Variants in RASSF3 observed in about 807,000 individuals in gnomAD.
RASSF3 encodes the protein Ras association domain family member 3.
In RASSF3, 19 loss-of-function variants were observed where a neutral mutation model predicts 19.9. The observed-to-expected ratio is 0.96, with a 90% CI of 0.67 to 1.40. The LOEUF is 1.40. Ranked by LOEUF, RASSF3 falls within the 40% of genes most tolerant of loss-of-function variation. The pLI, the probability that RASSF3 is intolerant of heterozygous loss-of-function variation, is 0.00. For synonymous variants in RASSF3, 110 were observed against 104.2 expected (o/e 1.06, Z -0.34); for missense variants, 306 against 289.8 (o/e 1.06, Z -0.41).
intron 1 of RASSF3, among the ~76,000 whole-genome samples, chr12:64,510,675 T>C (rs1868323046): frequency 6.6e-6 from 1 of 152,172 alleles, no homozygotes; most frequent in Admixed American, 6.5e-5. Context: ...CAAGGCATGA[T>C]TTAGGAAGAA....
At chr12:64,630,341 C>T (rs547383466) in intron 1 of RASSF3, among the ~76,000 whole-genome samples, 6 of 152,046 alleles carry the variant, frequency 3.9e-5, no homozygotes, top group Admixed American at 3.9e-4. Context: ...GACTGGGCAA[C>T]AGAGCGAGAC....
upstream of RASSF3, among the ~76,000 whole-genome samples, chr12:64,609,188 A>C (rs899227691): frequency 6.6e-6 from 1 of 152,090 alleles, no homozygotes; most frequent in African/African-American, 2.4e-5. Flanking sequence ...CGGCTGACCG[A>C]TACCAAGCAG....
At chr12:64,692,782 G>T (rs1011470744) in intron 4 of RASSF3, among the ~76,000 whole-genome samples, 6 of 152,172 alleles carry the variant, frequency 3.9e-5, no homozygotes, top group Admixed American at 2.0e-4. Flanking sequence ...TCACTACGTT[G>T]CCCAAGCTGG....
intron 2 of RASSF3, among the ~76,000 whole-genome samples, chr12:64,591,261 G>A (rs1002232209): frequency 2.0e-5 from 3 of 152,104 alleles, no homozygotes; most frequent in Non-Finnish European, 2.9e-5. Flanking sequence ...CGGATCACGA[G>A]GTCAGGAGTT....
chr12:64,669,197 G>A (rs1414214778), intron 1 of RASSF3, among the ~76,000 whole-genome samples: 1 of 152,148 alleles, frequency 6.6e-6, no homozygotes, highest in East Asian at 1.9e-4. Flanking sequence ...GCTTGTTTGA[G>A]TTTCTGTTTT....
intron 1 of RASSF3, among the ~76,000 whole-genome samples, chr12:64,527,521 T>C (rs913047028): frequency 1.3e-5 from 2 of 152,248 alleles, no homozygotes; most frequent in African/African-American, 2.4e-5. Flanking sequence ...ATTTTTGCCA[T>C]ACATGCATAA....
At chr12:64,604,886 A>G (rs1398199728) in intron 2 of RASSF3, among the ~76,000 whole-genome samples, 5 of 151,968 alleles carry the variant, frequency 3.3e-5, no homozygotes. Flanking sequence ...CGGCCTCCCA[A>G]AGTGCCGGGA....
chr12:64,581,879 G>GT (rs1359862926), intron 2 of RASSF3, among the ~76,000 whole-genome samples: 2 of 122,426 alleles, frequency 1.6e-5, no homozygotes, highest in African/African-American at 6.2e-5. Flanking sequence ...TTTTCTTTTT[G>GT]TTTTTTGAGA....
chr12:64,523,779 T>A (rs1240164324), intron 1 of RASSF3, among the ~76,000 whole-genome samples: 1 of 150,580 alleles, frequency 6.6e-6, no homozygotes, highest in Admixed American at 6.6e-5. Flanking sequence ...GTGATCACAG[T>A]GCCTTGCGGC....
At chr12:64,600,228 G>A (rs1233889726) in intron 2 of RASSF3, among the ~76,000 whole-genome samples, 2 of 151,978 alleles carry the variant, frequency 1.3e-5, no homozygotes, top group African/African-American at 4.8e-5. Context: ...GGAGGTAGAG[G>A]CAGGATTGCT....
At position 64,538,951 on chromosome 12, in the gene RASSF3, C is replaced by T. The variant is rs531256325; in HGVS notation, c.68-2630C>T. ...ATCCCTGCTACTCAAGAGGCTGAGT[C>T]AGGAGAATCACTTGAACCTGGGAGG... On this transcript the variant is annotated intron_variant, in intron 1 of 1. Coordinates refer to the RASSF3 transcript ENST00000636333. Among the ~76,000 whole-genome samples the T allele has an allele frequency of 2.0e-5, 3 of 152,174 alleles. No homozygotes were observed. In the South Asian group the frequency reaches 6.2e-4, roughly 32 times the overall value.
intron 1 of RASSF3, among the ~76,000 whole-genome samples, chr12:64,636,236 C>A (rs1469003711): frequency 2.0e-5 from 3 of 151,932 alleles, no homozygotes; most frequent in Non-Finnish European, 4.4e-5. Flanking sequence ...CCCCGCTCAG[C>A]CTCCCAAGGC....
At chr12:64,624,357 T>C (rs11175471) in intron 1 of RASSF3, among the ~76,000 whole-genome samples, 16,635 of 152,060 alleles carry the variant, frequency 0.11, 1,148 homozygotes, top group East Asian at 0.3. Context: ...CAAGCAGCTA[T>C]GTAGGGCACC....
At chr12:64,611,620 C>G (rs1200752674) in intron 1 of RASSF3, 1 of 152,222 alleles carries the variant, frequency 6.6e-6, no homozygotes, top group Non-Finnish European at 1.5e-5. Context: ...CCGGGCCAAC[C>G]CGGCCACGCT....
intron 1 of RASSF3, among the ~76,000 whole-genome samples, chr12:64,632,934 A>G (rs562946719): frequency 2.5e-4 from 38 of 152,280 alleles, no homozygotes; most frequent in Admixed American, 9.8e-4. Flanking sequence ...ACTTTCTTAG[A>G]AAAAAAGTCT....
intron 2 of RASSF3, among the ~76,000 whole-genome samples, chr12:64,583,048 C>A (rs1869730245): frequency 6.6e-6 from 1 of 152,072 alleles, no homozygotes; most frequent in Non-Finnish European, 1.5e-5. Context: ...TGTTCTCTTG[C>A]AAGACAAGCA....
upstream of RASSF3, among the ~76,000 whole-genome samples, chr12:64,530,829 C>A (rs186511101): frequency 1.3e-5 from 2 of 152,156 alleles, no homozygotes; most frequent in Admixed American, 1.3e-4. Flanking sequence ...TAATATTGAG[C>A]ATCTTTTCAT....
chr12:64,540,727 G>C (rs1868920363), intron 1 of RASSF3, among the ~76,000 whole-genome samples: 1 of 152,212 alleles, frequency 6.6e-6, no homozygotes. Flanking sequence ...GGCCAAGTCA[G>C]GAGGATCGCT....
At chr12:64,655,854 C>G (rs1872139659) in intron 1 of RASSF3, among the ~76,000 whole-genome samples, 1 of 151,668 alleles carries the variant, frequency 6.6e-6, no homozygotes, top group Admixed American at 6.6e-5. Flanking sequence ...TGGTGAAACC[C>G]TGTCTCTACT....
Sources: gnomAD v4.1 joint callset for allele counts (sites outside exome capture counted in the v4.1 genomes callset) on GRCh38, gnomAD v4.1.1 for gene constraint, MANE v1.5 for transcripts, NCBI Gene and HGNC (gene_info 2026-07-23, HGNC 2026-07-21) for gene names.